The following FLRT2 variants were observed in gnomAD, a reference collection of about 807,000 sequenced individuals.
FLRT2 encodes fibronectin leucine rich transmembrane protein 2.
Under a neutral mutation model 40.0 loss-of-function variants are expected in FLRT2, and 15 were observed. The observed-to-expected ratio is 0.38, with a 90% confidence interval of 0.25 to 0.58. The LOEUF (loss-of-function observed/expected upper bound fraction) is 0.58. Ranked by LOEUF, FLRT2 falls within the 20% of genes least tolerant of loss-of-function variation. FLRT2 has a pLI of 0.71. For synonymous variants in FLRT2, 380 were observed against 336.8 expected (o/e 1.13, Z -1.41); for missense variants, 726 against 840.0 (o/e 0.86, Z 1.68).
intron 1 of FLRT2, among the ~76,000 whole-genome samples, chr14:85,569,302 A>G (rs1890788739): frequency 6.6e-6 from 1 of 152,216 alleles, no homozygotes; most frequent in Admixed American, 6.5e-5. Flanking sequence ...TGGGCAATGC[A>G]GGTTTCCTTT....
intron 1 of FLRT2, among the ~76,000 whole-genome samples, chr14:85,581,496 C>T (rs1891384571): frequency 6.6e-6 from 1 of 152,262 alleles, no homozygotes; most frequent in African/African-American, 2.4e-5. Context: ...AGCAATATGG[C>T]GGTTGTTCCC....
chr14:85,562,936 C>A (rs1475117434), intron 1 of FLRT2: 1 of 152,112 alleles, frequency 6.6e-6, no homozygotes, highest in Non-Finnish European at 1.5e-5. Context: ...GTTCCAGAGA[C>A]CTAGAGGTGA....
intron 1 of FLRT2, among the ~76,000 whole-genome samples, chr14:85,600,216 T>C (rs952045555): frequency 6.6e-6 from 1 of 152,140 alleles, no homozygotes; most frequent in African/African-American, 2.4e-5. Context: ...TTGATGCCAT[T>C]GGTCAAAATG....
At chr14:85,614,104 G>A (rs1433750992) in intron 1 of FLRT2, among the ~76,000 whole-genome samples, 2 of 152,128 alleles carry the variant, frequency 1.3e-5, no homozygotes, top group Admixed American at 6.5e-5. Flanking sequence ...TCTAACAACC[G>A]TGAAATATTA....
Position 85,627,264 on chromosome 14 carries a change from AGTTCTTGGTCTT to A in FLRT2, c.*3782_*3793del, listed in dbSNP as rs915983501. ...AAAAGATACTCACACAGAACAAAACAGTTCTTGGTCTTGTTCTTGGTCTTGTCAAACCTTGCC... is the reference window on the plus strand; with the variant it reads ...AAAAGATACTCACACAGAACAAAACAGTTCTTGGTCTTGTCAAACCTTGCC... On this transcript the variant is annotated 3_prime_UTR_variant, in exon 2 of 2. Transcript: ENST00000330753. 2 of 167,198 alleles carry A rather than the reference AGTTCTTGGTCTT, an allele frequency of 1.2e-5. No individual in the cohort carries two copies. Among genetic ancestry groups the A allele is most frequent in the Non-Finnish European group, 1.5e-5 (1 of 68,124 alleles). The allele number at this position is 167,198 out of a possible 1,614,324, so 10.4% of individuals were successfully genotyped here.
At chr14:85,617,098 G>GGA (rs961722624) in intron 1 of FLRT2, among the ~76,000 whole-genome samples, 2 of 151,980 alleles carry the variant, frequency 1.3e-5, no homozygotes, top group African/African-American at 4.8e-5. Context: ...GGCAACATCT[G>GGA]GAGACATTTT....
chr14:85,577,711 C>T (rs1000330858), intron 1 of FLRT2, among the ~76,000 whole-genome samples: 4 of 151,894 alleles, frequency 2.6e-5, no homozygotes, highest in Admixed American at 6.6e-5. Flanking sequence ...CTCAGTCTCT[C>T]GAGTAGCTAA....
intron 1 of FLRT2, among the ~76,000 whole-genome samples, chr14:85,532,959 G>C (rs1011067859): frequency 6.6e-6 from 1 of 152,172 alleles, no homozygotes; most frequent in South Asian, 2.1e-4. Context: ...TGGTAGGAAC[G>C]GCATGTGCCG....
chr14:85,610,312 A>G (rs372296359), intron 1 of FLRT2, among the ~76,000 whole-genome samples: 6 of 152,156 alleles, frequency 3.9e-5, no homozygotes, highest in Admixed American at 6.5e-5. Context: ...AGTTCAGAGC[A>G]TACTTTTCTT....
intron 1 of FLRT2, among the ~76,000 whole-genome samples, chr14:85,600,230 A>G (rs1892324823): frequency 6.6e-6 from 1 of 152,224 alleles, no homozygotes; most frequent in African/African-American, 2.4e-5. Flanking sequence ...CAAAATGGAG[A>G]AGTCAGAAAA....
At chr14:85,587,335 T>C (rs994112769) in intron 1 of FLRT2, among the ~76,000 whole-genome samples, 5 of 151,452 alleles carry the variant, frequency 3.3e-5, no homozygotes, top group African/African-American at 1.2e-4. Context: ...TTGATCATTG[T>C]AATTGGCACT....
chr14:85,584,825 C>T lies in FLRT2; in HGVS notation c.-376-36314C>T, dbSNP rs868449483. Among the ~76,000 whole-genome samples, 37 of 151,574 alleles carry T rather than the reference C, an allele frequency of 2.4e-4. No homozygotes were observed. In the South Asian group the frequency reaches 7.7e-3, roughly 32 times the overall value. ...CAGGCAACGCTGGCCCTACCTTAGC[C>T]AAGCCTTCTGTGTGGGAGCTATATG... On this transcript the variant is annotated intron_variant, in intron 1 of 1. Coordinates refer to ENST00000330753, the MANE Select transcript of FLRT2 (RefSeq NM_013231.6).
chr14:85,588,933 TG>T (rs1891762313), intron 1 of FLRT2, among the ~76,000 whole-genome samples: 1 of 152,194 alleles, frequency 6.6e-6, no homozygotes, highest in African/African-American at 2.4e-5. Flanking sequence ...CCATTCATGT[TG>T]GATGGGTGAT....
rs1394873332 is a variant in FLRT2, at chr14:85,567,634, CATT to C, written c.-377+37101_-377+37103del. ...GGCCTAGCACACGGGAAGTGACTTA[CATT>C]TTTTTTTTTTTTTTTTTTTTTGAGA... On this transcript the variant is annotated intron_variant, in intron 1 of 1. Transcript: ENST00000330753. Among the ~76,000 whole-genome samples the C allele has an allele frequency of 6.2e-4, 78 of 126,114 alleles. 2 individuals are homozygous for C. The highest frequency in any genetic ancestry group is 1.5e-3 in the Admixed American group (17 of 11,286). 82.7% of individuals were successfully genotyped at this position (126,114 alleles called of 152,430 possible). A position where few individuals can be genotyped will look rare whatever the true frequency, so the allele number is the denominator to read the frequency against.
rs1465966295 is a variant in FLRT2 at position 85,634,122 on chromosome 14, T to C, written c.*10625T>C. The C allele has an allele frequency of 6.6e-6, 1 of 152,234 alleles. No individual in the cohort carries two copies. Among genetic ancestry groups the C allele is most frequent in the Admixed American group, 6.5e-5 (1 of 15,272 alleles). The allele number at this position is 152,234 out of a possible 1,614,324, so 9.4% of individuals were successfully genotyped here. ...TTTCTTTCTGTACACTTTGTGGTAG[T>C]TAATAGTCTCAAAGCAATTCACTCA... is the stretch of plus-strand genomic sequence containing the variant. On this transcript the variant is annotated 3_prime_UTR_variant, in exon 2 of 2. Coordinates refer to ENST00000330753, the MANE Select transcript of FLRT2 (RefSeq NM_013231.6).
In FLRT2 at chr14:85,634,735, C is replaced by G. The variant is rs1226932863; in HGVS notation, c.*11238C>G. On this transcript the variant is annotated 3_prime_UTR_variant, in exon 2 of 2. Coordinates refer to ENST00000330753, the MANE Select transcript of FLRT2 (RefSeq NM_013231.6). ...CAACAGTAACCATACTGCACAGTGCCTGACACATATAAAGTGCTCAATAAA... is the reference window on the plus strand; with the variant it reads ...CAACAGTAACCATACTGCACAGTGCGTGACACATATAAAGTGCTCAATAAA... The G allele has an allele frequency of 6.6e-6, 1 of 152,156 alleles. No individual in the cohort carries two copies. Among genetic ancestry groups the G allele is most frequent in the Non-Finnish European group, 1.5e-5 (1 of 68,022 alleles). The allele number at this position is 152,156 out of a possible 1,614,324, so 9.4% of individuals were successfully genotyped here.
rs1190337952 is a variant in FLRT2, at chr14:85,648,360, T to G, written c.*24863T>G. The G allele has an allele frequency of 1.3e-5, 2 of 152,200 alleles. No homozygotes were observed. The highest frequency in any genetic ancestry group is 2.9e-5 in the Non-Finnish European group (2 of 68,040). 9.4% of individuals were successfully genotyped at this position (152,200 alleles called of 1,614,324 possible). A position where few individuals can be genotyped will look rare whatever the true frequency, so the allele number is the denominator to read the frequency against. On this transcript the variant is annotated 3_prime_UTR_variant, in exon 2 of 2. Coordinates refer to ENST00000330753, the MANE Select transcript of FLRT2 (RefSeq NM_013231.6). ...CATGTGCATTTCCCAGAGTCCCTTG[T>G]TGCTAGGGGGCTGAATGCGAACGAG...
chr14:85,570,757 AT>A (rs1040495024), intron 1 of FLRT2, among the ~76,000 whole-genome samples: 22 of 148,412 alleles, frequency 1.5e-4, no homozygotes, highest in African/African-American at 3.2e-4. Flanking sequence ...AATTTTTTGT[AT>A]TTTTTTTTAG....
rs1037210184 is a variant in FLRT2, at chr14:85,635,406, A to G, written c.*11909A>G. 1 of 152,144 alleles carries G rather than the reference A, an allele frequency of 6.6e-6. No individual in the cohort carries two copies. The highest frequency in any genetic ancestry group is 2.4e-5 in the African/African-American group (1 of 41,466). 9.4% of individuals were successfully genotyped at this position (152,144 alleles called of 1,614,324 possible). A position where few individuals can be genotyped will look rare whatever the true frequency, so the allele number is the denominator to read the frequency against. On this transcript the variant is annotated 3_prime_UTR_variant, in exon 2 of 2. Transcript: ENST00000330753. ...AGTTCAACCACTTCTCCCTCAAAACAAGGAAATACAAACTATATTACTAAG... is the reference window on the plus strand; with the variant it reads ...AGTTCAACCACTTCTCCCTCAAAACGAGGAAATACAAACTATATTACTAAG...
Sources: allele counts gnomAD v4.1 joint callset (sites outside exome capture counted in the v4.1 genomes callset), GRCh38; gene constraint gnomAD v4.1.1; transcripts MANE v1.5; gene names NCBI Gene and HGNC (gene_info 2026-07-23, HGNC 2026-07-21).